PDE3B: variants seen among roughly 807,000 people sequenced by gnomAD.
PDE3B encodes the protein cGMP-inhibited 3',5'-cyclic phosphodiesterase 3B.
Under a neutral mutation model 116.8 loss-of-function variants are expected in PDE3B, and 66 were observed. The observed-to-expected ratio is 0.56, with a 90% CI of 0.46 to 0.69. PDE3B has a LOEUF of 0.69. Ranked by LOEUF, PDE3B falls within the 30% of genes least tolerant of loss-of-function variation. The pLI is 0.00. For synonymous variants in PDE3B, 595 were observed against 533.6 expected (o/e 1.12, Z -1.59); for missense variants, 1,384 against 1,368.1 (o/e 1.01, Z -0.18).
At chr11:14,846,225 T>C (rs1276336341) in intron 12 of PDE3B, among the ~76,000 whole-genome samples, 1 of 152,150 alleles carries the variant, frequency 6.6e-6, no homozygotes, top group Non-Finnish European at 1.5e-5. Context: ...CAGAATTTCA[T>C]ATCCAGCCAA....
chr11:14,644,077 TGAG>T lies in PDE3B; in HGVS notation c.7_9del (p.Arg3?). ...CCGTGGCCACCCCCGGCCCCAGCCA[TGAG>T]GAGGGACGAGCGAGACGCCAAAGCC... On this transcript the variant is annotated start_lost and inframe_deletion, in exon 1 of 16. Transcript: ENST00000282096. 1.3e-6 allele frequency: 2 copies of T among 1,533,266 alleles called. No individual in the cohort carries two copies. Among genetic ancestry groups the T allele is most frequent in the Admixed American group, 2.0e-5 (1 of 49,362 alleles). The allele number at this position is 1,533,266 out of a possible 1,614,324, so 95.0% of individuals were successfully genotyped here.
At chr11:14,794,443 A>G (rs909854155) in intron 4 of PDE3B, among the ~76,000 whole-genome samples, 1 of 151,580 alleles carries the variant, frequency 6.6e-6, no homozygotes, top group Non-Finnish European at 1.5e-5. Flanking sequence ...CCTCCTGAGT[A>G]GTTGGGACTA....
At chr11:14,804,409 T>C (rs1462775934) in intron 5 of PDE3B, among the ~76,000 whole-genome samples, 1 of 151,938 alleles carries the variant, frequency 6.6e-6, no homozygotes, top group East Asian at 1.9e-4. Context: ...ATTTTAGGAT[T>C]AGAATAGAAA....
At chr11:14,672,029 ATAT>A (rs1485436045) in intron 1 of PDE3B, among the ~76,000 whole-genome samples, 19 of 131,060 alleles carry the variant, frequency 1.4e-4, no homozygotes, top group African/African-American at 5.6e-4. Context: ...AAAAAAAAAA[ATAT>A]ATATATATAT....
chr11:14,898,729 C>T, the PDE3B span, among the ~76,000 whole-genome samples: 11 of 151,900 alleles, frequency 7.2e-5, no homozygotes, highest in Non-Finnish European at 1.0e-4. Flanking sequence ...CTTTTCTTTT[C>T]TTTTTTTAAG....
At chr11:14,668,379 A>G (rs1478314436) in intron 1 of PDE3B, among the ~76,000 whole-genome samples, 1 of 152,152 alleles carries the variant, frequency 6.6e-6, no homozygotes, top group Non-Finnish European at 1.5e-5. Context: ...TTTTGAATTT[A>G]TAAATACCTC....
chr11:14,809,827 C>A (rs1859067962), intron 5 of PDE3B, among the ~76,000 whole-genome samples: 1 of 152,096 alleles, frequency 6.6e-6, no homozygotes, highest in East Asian at 1.9e-4. Flanking sequence ...TGGTCTTGGA[C>A]TTCCCAGCCT....
chr11:14,681,417 T>C (rs1854703569), intron 1 of PDE3B, among the ~76,000 whole-genome samples: 1 of 152,134 alleles, frequency 6.6e-6, no homozygotes, highest in African/African-American at 2.4e-5. Flanking sequence ...AGTGAATAAG[T>C]CTCATGAGAT....
chr11:14,783,638 G>A (rs989634090), intron 2 of PDE3B, among the ~76,000 whole-genome samples: 6 of 152,030 alleles, frequency 3.9e-5, no homozygotes, highest in African/African-American at 1.2e-4. Flanking sequence ...GGGATAGCTA[G>A]CATTGGGAGA....
chr11:14,824,020 T>A (rs1008804033), intron 7 of PDE3B, among the ~76,000 whole-genome samples: 2 of 152,178 alleles, frequency 1.3e-5, no homozygotes, highest in African/African-American at 4.8e-5. Context: ...GACCAGGGGC[T>A]AGCTAGTCCA....
intron 4 of PDE3B, among the ~76,000 whole-genome samples, chr11:14,802,067 C>T (rs1464413741): frequency 2.0e-5 from 3 of 152,220 alleles, no homozygotes; most frequent in African/African-American, 7.2e-5. Context: ...GTTTGCTGGG[C>T]TCTGTGGCGG....
intron 1 of PDE3B, among the ~76,000 whole-genome samples, chr11:14,740,273 T>A (rs747316562): frequency 7.2e-5 from 11 of 152,212 alleles, no homozygotes; most frequent in Non-Finnish European, 1.6e-4. Context: ...CTGCTTCAAT[T>A]TCAGAACTTG....
chr11:14,808,380 A>G (rs1371003026), intron 5 of PDE3B, among the ~76,000 whole-genome samples: 1 of 152,248 alleles, frequency 6.6e-6, no homozygotes, highest in Non-Finnish European at 1.5e-5. Flanking sequence ...CAAGAAAAAT[A>G]TGTGAAACAT....
At chr11:14,735,498 A>T (rs952569660) in intron 1 of PDE3B, among the ~76,000 whole-genome samples, 4 of 152,302 alleles carry the variant, frequency 2.6e-5, no homozygotes, top group African/African-American at 7.2e-5. Context: ...ATATAAGGGG[A>T]TATTCTCCAG....
intron 1 of PDE3B, among the ~76,000 whole-genome samples, chr11:14,705,871 T>C (rs2133822654): frequency 6.6e-6 from 1 of 152,000 alleles, no homozygotes; most frequent in East Asian, 1.9e-4. Flanking sequence ...TACTTTCTGC[T>C]GTGTATTACT....
chr11:14,834,141 C>T (rs1207020014), intron 10 of PDE3B, among the ~76,000 whole-genome samples: 1 of 152,064 alleles, frequency 6.6e-6, no homozygotes, highest in Non-Finnish European at 1.5e-5. Flanking sequence ...TAATTAAGTT[C>T]CCAGTGTACG....
chr11:14,891,102 G>C, the PDE3B span: 1 of 985,456 alleles, frequency 1.0e-6, no homozygotes, highest in Non-Finnish European at 1.2e-6. Flanking sequence ...GGTGAGCTCT[G>C]TCCCAGGACC....
the PDE3B span, among the ~76,000 whole-genome samples, chr11:14,899,140 C>G: frequency 6.6e-6 from 1 of 152,140 alleles, no homozygotes; most frequent in Admixed American, 6.5e-5. Flanking sequence ...ATGCTTAGTG[C>G]TGGATCAATG....
intron 2 of PDE3B, among the ~76,000 whole-genome samples, chr11:14,779,182 C>A (rs1236967964): frequency 6.6e-6 from 1 of 152,184 alleles, no homozygotes; most frequent in African/African-American, 2.4e-5. Flanking sequence ...AAGACCAAAT[C>A]TACGTCTGAT....
Sources: gnomAD v4.1 joint callset for allele counts (sites outside exome capture counted in the v4.1 genomes callset) on GRCh38, gnomAD v4.1.1 for gene constraint, MANE v1.5 for transcripts, NCBI Gene and HGNC (gene_info 2026-07-23, HGNC 2026-07-21) for gene names.